Variants in USP35 observed in about 807,000 individuals in gnomAD.
USP35 encodes the protein ubiquitin specific peptidase 35.
A neutral mutation model predicts 83.8 loss-of-function variants in USP35; 69 were observed. The observed-to-expected ratio is 0.82, with a 90% CI of 0.68 to 1.01. The LOEUF (loss-of-function observed/expected upper bound fraction) is 1.01, where lower values mean the gene tolerates loss of function less well. Ranked by LOEUF, USP35 falls within the 50% of genes least tolerant of loss-of-function variation. USP35 has a pLI of 0.00. For synonymous variants in USP35, 714 were observed against 589.5 expected (o/e 1.21, Z -3.06); for missense variants, 1,503 against 1,362.5 (o/e 1.10, Z -1.62).
chr11:78,220,201 C>A, downstream of USP35: 1 of 1,029,070 alleles, frequency 9.7e-7, no homozygotes, highest in South Asian at 1.5e-5. Context: ...AAGCTGGGTA[C>A]TGGAGCAGGA....
In USP35 at chr11:78,209,357, C is replaced by T. The variant is rs1014238670; in HGVS notation, c.1593-91C>T. 7.4e-6 allele frequency: 10 copies of T among 1,344,028 alleles called. No individual in the cohort carries two copies. The African/African-American group carries it at 1.5e-4, about 20-fold the overall frequency. 83.3% of individuals were successfully genotyped at this position (1,344,028 alleles called of 1,614,324 possible). A position where few individuals can be genotyped will look rare whatever the true frequency, so the allele number is the denominator to read the frequency against. On this transcript the variant is annotated intron_variant, in intron 9 of 10. Transcript: ENST00000529308. ...TGTTTGTGTGCGTCTCAATGTGTGG[C>T]TGTTGGGGAAGGTAAATGGGCATGG...
chr11:78,207,791 G>T (rs1863577575), intron 8 of USP35, among the ~76,000 whole-genome samples, 168 bp downstream of exon 8: 1 of 152,204 alleles, frequency 6.6e-6, no homozygotes, highest in African/African-American at 2.4e-5. Flanking sequence ...TGCCCTGCTG[G>T]GGCAGGAGAA....
At position 78,200,758 on chromosome 11, in the gene USP35, C is replaced by T. The variant is rs770383110; in HGVS notation, c.1147C>T (p.Arg383Trp). Reference sequence around the variant, plus strand: ...GGAGCTGGTCCACTGCATGGTGTTCCGGTTCCCGGGCTTCCCGGATCTGTA... The same window carrying T: ...GGAGCTGGTCCACTGCATGGTGTTCTGGTTCCCGGGCTTCCCGGATCTGTA... The part of the protein sequence containing the change: ...LAELVHCMVF[R>W]FPGFPDLYEP... Residue 383 changes from arginine to tryptophan, a missense_variant, in exon 6 of 11, where the codon CGG (arginine) becomes TGG (tryptophan). Transcript: ENST00000529308. The T allele has an allele frequency of 2.6e-5, 42 of 1,613,998 alleles. No individual in the cohort carries two copies. Among genetic ancestry groups the T allele is most frequent in the South Asian group, 1.4e-4 (13 of 91,076 alleles).
Position 78,199,705 on chromosome 11 carries a change from C to T in USP35, c.917C>T (p.Ser306Leu), listed in dbSNP as rs772637990. 29 of 1,614,192 alleles carry T rather than the reference C, an allele frequency of 1.8e-5. No homozygotes were observed. Among genetic ancestry groups the T allele is most frequent in the Non-Finnish European group, 2.2e-5 (26 of 1,180,020 alleles). The change falls in exon 4 of 11, where the codon TCG becomes TTG. Residue 306 changes from serine to leucine, a missense_variant. By Grantham distance (145) the Ser-to-Leu change is moderately radical (BLOSUM62 -2). Coordinates refer to ENST00000529308, the MANE Select transcript of USP35 (RefSeq NM_020798.4). ...VKKFSILIEV[S>L]LTKIEKVFSK... ...AAGTTCAGCATCTTGATCGAGGTTT[C>T]GCTCACCAAAATTGAGAAGGTTGGT...
At chr11:78,219,348 T>A (rs768976090), downstream of USP35, 1 of 1,613,666 alleles carries the variant, frequency 6.2e-7, no homozygotes, top group South Asian at 1.1e-5. Flanking sequence ...CTGCAGGGCC[T>A]GGGTCTTCTC....
chr11:78,234,959 G>A, the USP35 span, among the ~76,000 whole-genome samples: 1 of 151,896 alleles, frequency 6.6e-6, no homozygotes, highest in Non-Finnish European at 1.5e-5. Context: ...GCAATGAGCT[G>A]AGATCATGCC....
At chr11:78,223,982 T>G in the USP35 span, among the ~76,000 whole-genome samples, 2 of 152,108 alleles carry the variant, frequency 1.3e-5, no homozygotes, top group African/African-American at 4.8e-5. Context: ...CTCAGGAGGC[T>G]GAGGCACGAG....
chr11:78,213,644 A>AGGAGCAGGAGAAGGAGGCCC lies in USP35; in HGVS notation c.2897_2916dup, dbSNP rs759288188. ...TAAGTCTCCTCTCATCTGTGTTCCCAGGAGCAGGAGAAGGAGGCCCGGAGC... is the reference window on the plus strand; with the variant it reads ...TAAGTCTCCTCTCATCTGTGTTCCCAGGAGCAGGAGAAGGAGGCCCGGAGCAGGAGAAGGAGGCCCGGAGC... On this transcript the variant is annotated splice_acceptor_variant, in intron 10 of 10. Transcript: ENST00000529308. LOFTEE classifies it high-confidence loss of function. The AGGAGCAGGAGAAGGAGGCCC allele has an allele frequency of 6.1e-6, 9 of 1,483,432 alleles. No homozygotes were observed. Among genetic ancestry groups the AGGAGCAGGAGAAGGAGGCCC allele is most frequent in the South Asian group, 1.4e-5 (1 of 70,026 alleles). The allele number at this position is 1,483,432 out of a possible 1,614,324, so 91.9% of individuals were successfully genotyped here.
the USP35 span, chr11:78,220,252 G>A: frequency 6.4e-7 from 1 of 1,572,826 alleles, no homozygotes; most frequent in Non-Finnish European, 8.7e-7. Flanking sequence ...AGGCACCCTG[G>A]CCTCCATGAT....
Position 78,215,163 on chromosome 11 carries a change from A to C in USP35, c.*1350A>C, listed in dbSNP as rs1407652148. On this transcript the variant is annotated 3_prime_UTR_variant, in exon 11 of 11. Transcript: ENST00000529308. The stretch of plus-strand genomic sequence containing the variant: ...CTTTACAACAGACGCTGAGGTAGAG[A>C]GCATTTGTTCTTATTCACAGCCAAG... The C allele has an allele frequency of 6.6e-6, 1 of 152,542 alleles. No individual in the cohort carries two copies. The highest frequency in any genetic ancestry group is 1.5e-5 in the Non-Finnish European group (1 of 68,056). 9.4% of individuals were successfully genotyped at this position (152,542 alleles called of 1,614,324 possible).
chr11:78,231,336 G>GTGGGGTGTGTGTGT, the USP35 span, among the ~76,000 whole-genome samples: 1 of 145,796 alleles, frequency 6.9e-6, no homozygotes, highest in African/African-American at 2.6e-5. Context: ...GCGCGTGTGT[G>GTGGGGTGTGTGTGT]GTGTGTGTGT....
chr11:78,188,973 C>T lies in USP35; in HGVS notation c.-195C>T. ...TTCCTGGATACATAGAGGCTTGTGC[C>T]AGGCGGGGTGGGAAGACTGGATTTT... On this transcript the variant is annotated 5_prime_UTR_variant, in exon 1 of 11. Transcript: ENST00000529308. 1 of 985,038 alleles carries T rather than the reference C, an allele frequency of 1.0e-6. No homozygotes were observed. Among genetic ancestry groups the T allele is most frequent in the African/African-American group, 1.7e-5 (1 of 57,358 alleles). The allele number at this position is 985,038 out of a possible 1,614,324, so 61.0% of individuals were successfully genotyped here.
chr11:78,193,419 G>A (rs896947064), intron 1 of USP35, among the ~76,000 whole-genome samples: 1 of 147,242 alleles, frequency 6.8e-6, no homozygotes, highest in Non-Finnish European at 1.5e-5. Context: ...TGCCCAGGCT[G>A]GTCTCAACCT....
the USP35 span, chr11:78,222,026 C>T: frequency 4.3e-6 from 4 of 931,986 alleles, no homozygotes; most frequent in Non-Finnish European, 7.1e-6. Flanking sequence ...GCTGTCCCGG[C>T]CCACAGGCCA....
Position 78,213,980 on chromosome 11 carries a change from C to CT in USP35, c.*167_*168insT. ...GATTCTCTCAGATATGGAAGTAAGA[C>CT]CTAAGTCCCTTTCATTGGGGATCAG... is the stretch of plus-strand genomic sequence containing the variant. On this transcript the variant is annotated 3_prime_UTR_variant, in exon 11 of 11. Transcript: ENST00000529308. The CT allele has an allele frequency of 1.4e-6, 1 of 710,710 alleles. No individual in the cohort carries two copies. The highest frequency in any genetic ancestry group is 2.1e-6 in the Non-Finnish European group (1 of 481,680). The allele number at this position is 710,710 out of a possible 1,614,324, so 44.0% of individuals were successfully genotyped here.
chr11:78,219,196 C>A (rs948039263), downstream of USP35: 4 of 1,371,440 alleles, frequency 2.9e-6, no homozygotes, highest in Non-Finnish European at 3.1e-6. Flanking sequence ...GGAGGAAGAA[C>A]GGGAGAGGGG....
At position 78,214,655 on chromosome 11, in the gene USP35, C is replaced by G. The variant is rs978994173; in HGVS notation, c.*842C>G. On this transcript the variant is annotated 3_prime_UTR_variant, in exon 11 of 11. Coordinates refer to ENST00000529308, the MANE Select transcript of USP35 (RefSeq NM_020798.4). The stretch of plus-strand genomic sequence containing the variant: ...GCTGTAGCCCCCTTCTAACTTCTAA[C>G]CGAAGACAAGACAGACACCCATGTT... 3.8e-4 allele frequency: 58 copies of G among 151,486 alleles called. 1 individual carries two copies. Among genetic ancestry groups the G allele is most frequent in the African/African-American group, 1.4e-3 (56 of 41,226 alleles). 9.4% of individuals were successfully genotyped at this position (151,486 alleles called of 1,614,324 possible).
chr11:78,200,761 T>G lies in USP35; in HGVS notation c.1150T>G (p.Phe384Val). Reference sequence around the variant, plus strand: ...GCTGGTCCACTGCATGGTGTTCCGGTTCCCGGGCTTCCCGGATCTGTATGA... The same window carrying G: ...GCTGGTCCACTGCATGGTGTTCCGGGTCCCGGGCTTCCCGGATCTGTATGA... ...AELVHCMVFRFPGFPDLYEPV... is the reference protein window; with the variant it reads ...AELVHCMVFRVPGFPDLYEPV... The change falls in exon 6 of 11, where the codon TTC becomes GTC. Residue 384 changes from phenylalanine to valine, a missense_variant. Transcript: ENST00000529308. The G allele has an allele frequency of 6.2e-7, 1 of 1,613,998 alleles. No individual in the cohort carries two copies. The highest frequency in any genetic ancestry group is 8.5e-7 in the Non-Finnish European group (1 of 1,179,908).
chr11:78,212,909 G>T lies in USP35; in HGVS notation c.2890-737G>T, dbSNP rs114108729. On this transcript the variant is annotated intron_variant, in intron 10 of 10. Transcript: ENST00000529308. ...AGTCTGAGGGGGAGGAGGATGCTTCGGGTGTGGGGGGAGGGGGTCCCACTA... is the reference window on the plus strand; with the variant it reads ...AGTCTGAGGGGGAGGAGGATGCTTCTGGTGTGGGGGGAGGGGGTCCCACTA... Among the ~76,000 whole-genome samples the T allele has an allele frequency of 4.2e-3, 640 of 152,168 alleles. 4 individuals carry two copies. Among genetic ancestry groups the T allele is most frequent in the African/African-American group, 0.014 (591 of 41,496 alleles).
Sources: gnomAD v4.1 joint callset for allele counts (sites outside exome capture counted in the v4.1 genomes callset) on GRCh38, gnomAD v4.1.1 for gene constraint, MANE v1.5 for transcripts, NCBI Gene and HGNC (gene_info 2026-07-23, HGNC 2026-07-21) for gene names.